Variants in LRRC4C observed in about 807,000 individuals in gnomAD.
LRRC4C encodes the protein leucine rich repeat containing 4C.
In LRRC4C, 5 loss-of-function variants were observed where a neutral mutation model predicts 33.6. That is an observed-to-expected ratio of 0.15 (90% CI 0.08 to 0.31). The LOEUF (loss-of-function observed/expected upper bound fraction) is 0.31, where lower values mean the gene tolerates loss of function less well. LRRC4C is among the 10% of genes least tolerant of loss of function. The probability of loss-of-function intolerance (pLI) is 1.00; values close to 1 mark genes in which losing one functional copy is unlikely to be tolerated. For missense variants in LRRC4C, 560 were observed against 796.7 expected, an observed-to-expected ratio of 0.70 and a Z score of 3.58; for synonymous variants, 329 against 302.0, an observed-to-expected ratio of 1.09 and a Z score of -0.93.
chr11:40,132,657 T>G (rs1355094920), intron 6 of LRRC4C, among the ~76,000 whole-genome samples: 2 of 152,036 alleles, frequency 1.3e-5, no homozygotes, highest in African/African-American at 4.8e-5. Flanking sequence ...ACTGTACTTA[T>G]GAATATTAGT....
At chr11:40,225,434 C>T (rs955049318) in intron 5 of LRRC4C, among the ~76,000 whole-genome samples, 5 of 152,134 alleles carry the variant, frequency 3.3e-5, no homozygotes, top group African/African-American at 1.2e-4. Flanking sequence ...CGGGCTTTTG[C>T]CACTTATATG....
chr11:40,869,906 T>A (rs1391279933), intron 2 of LRRC4C, among the ~76,000 whole-genome samples: 1 of 152,160 alleles, frequency 6.6e-6, no homozygotes. Flanking sequence ...CTTGCCTCTG[T>A]CTCCCCTTCT....
In LRRC4C at chr11:40,832,853, T is replaced by C. The variant is rs149567574; in HGVS notation, c.-407+100782A>G. ...TGGCACATTAAAAAAGTTATAATGC[T>C]ATGCCTATTAATATAAAATCATCCG... is the stretch of plus-strand genomic sequence containing the variant. On this transcript the variant is annotated intron_variant, in intron 2 of 6. Transcript: ENST00000528697. 4.2e-3 allele frequency among the ~76,000 whole-genome samples: 645 copies of C among 152,282 alleles called. 3 individuals are homozygous for C. Among genetic ancestry groups the C allele is most frequent in the African/African-American group, 0.014 (591 of 41,558 alleles).
intron 3 of LRRC4C, among the ~76,000 whole-genome samples, chr11:40,622,909 T>C (rs1962590197): frequency 6.6e-6 from 1 of 151,658 alleles, no homozygotes. Flanking sequence ...TAAATTTTCC[T>C]TGGGAAGATC....
At chr11:40,886,197 C>T (rs1359861596) in intron 2 of LRRC4C, among the ~76,000 whole-genome samples, 1 of 151,942 alleles carries the variant, frequency 6.6e-6, no homozygotes, top group Non-Finnish European at 1.5e-5. Flanking sequence ...ATTGATTTTA[C>T]TTGATTTGGA....
chr11:40,790,692 A>G (rs1950589190), intron 2 of LRRC4C, among the ~76,000 whole-genome samples: 1 of 152,202 alleles, frequency 6.6e-6, no homozygotes, highest in Non-Finnish European at 1.5e-5. Flanking sequence ...TCTTTCAGGG[A>G]CTAGATCCTA....
At position 40,440,324 on chromosome 11, in the gene LRRC4C, A is replaced by AT. The variant is rs748672892; in HGVS notation, c.-269-120604dup. Among the ~76,000 whole-genome samples, 53 of 119,138 alleles carry AT rather than the reference A, an allele frequency of 4.4e-4. 1 individual carries two copies. Among genetic ancestry groups the AT allele is most frequent in the Non-Finnish European group, 7.3e-4 (41 of 56,166 alleles). The allele number at this position is 119,138 out of a possible 152,430, so 78.2% of individuals were successfully genotyped here. On this transcript the variant is annotated intron_variant, in intron 3 of 6. Coordinates refer to ENST00000528697, the MANE Select transcript of LRRC4C (RefSeq NM_001258419.2). ...CTTTTTTTTTTTTTTTTTTTAATAC[A>AT]TTTTTTCCTCCAAAGCTCCAAACTG...
At chr11:40,911,255 G>A (rs939998898) in intron 2 of LRRC4C, among the ~76,000 whole-genome samples, 1 of 152,160 alleles carries the variant, frequency 6.6e-6, no homozygotes, top group Admixed American at 6.5e-5. Flanking sequence ...GTCCTCAAGA[G>A]GGTCCCTGAA....
chr11:40,965,041 T>C (rs968398980), intron 1 of LRRC4C, among the ~76,000 whole-genome samples: 3 of 152,152 alleles, frequency 2.0e-5, no homozygotes, highest in African/African-American at 7.2e-5. Flanking sequence ...TGTTGTTTCC[T>C]GACTTTTTAA....
intron 3 of LRRC4C, among the ~76,000 whole-genome samples, chr11:40,538,012 G>C (rs1028702573): frequency 6.6e-6 from 1 of 152,142 alleles, no homozygotes; most frequent in Non-Finnish European, 1.5e-5. Context: ...CCAGTGACTT[G>C]CAGCTTATTA....
chr11:40,709,105 T>G (rs1289374071), intron 2 of LRRC4C, among the ~76,000 whole-genome samples: 2 of 152,148 alleles, frequency 1.3e-5, no homozygotes, highest in Admixed American at 6.5e-5. Context: ...TGTCTCTGCA[T>G]GTGAAATGGG....
rs1247680925 is a variant in LRRC4C at position 40,116,077 on chromosome 11, A to G, written c.216T>C (p.Asp72=). ...GCAGCCGTGTGTTGGTGGAGATGCCATCCGGAACCTCACGCAGGTTTTTCC... is the reference window on the plus strand; with the variant it reads ...GCAGCCGTGTGTTGGTGGAGATGCCGTCCGGAACCTCACGCAGGTTTTTCC... ...CVRKNLREVP[D]GISTNTRLLN... Residue 72 remains aspartate, a synonymous_variant, in exon 7 of 7, where the codon GAT becomes GAC. Coordinates refer to ENST00000528697, the MANE Select transcript of LRRC4C (RefSeq NM_001258419.2). 2 of 1,614,066 alleles carry G rather than the reference A, an allele frequency of 1.2e-6. No homozygotes were observed. Among genetic ancestry groups the G allele is most frequent in the South Asian group, 1.1e-5 (1 of 91,078 alleles).
intron 1 of LRRC4C, among the ~76,000 whole-genome samples, chr11:40,965,818 G>T (rs1262332173): frequency 6.6e-6 from 1 of 152,024 alleles, no homozygotes; most frequent in African/African-American, 2.4e-5. Context: ...CTCCAACTTT[G>T]TTCTTTTGGC....
intron 3 of LRRC4C, among the ~76,000 whole-genome samples, chr11:40,431,350 G>A (rs7933761): frequency 0.037 from 5,213 of 142,676 alleles, 318 homozygotes; most frequent in African/African-American, 0.13. Context: ...AGCCAACATC[G>A]TGCCACTGCA....
chr11:41,254,001 T>C (rs1326570651), intron 1 of LRRC4C, among the ~76,000 whole-genome samples: 1 of 152,098 alleles, frequency 6.6e-6, no homozygotes, highest in African/African-American at 2.4e-5. Context: ...TAAGTGTCAA[T>C]TTACTGTTTG....
chr11:41,281,112 A>T (rs1274398016), intron 1 of LRRC4C, among the ~76,000 whole-genome samples: 8 of 130,844 alleles, frequency 6.1e-5, no homozygotes, highest in African/African-American at 2.0e-4. Flanking sequence ...TCTCACACAC[A>T]CACACACACA....
intron 6 of LRRC4C, among the ~76,000 whole-genome samples, chr11:40,131,546 CT>C (rs1423904353): frequency 6.6e-6 from 1 of 152,124 alleles, no homozygotes; most frequent in African/African-American, 2.4e-5. Flanking sequence ...AGATTTCTAG[CT>C]GCTTACACAA....
intron 3 of LRRC4C, among the ~76,000 whole-genome samples, chr11:40,628,981 A>G (rs935789450): frequency 1.3e-5 from 2 of 152,208 alleles, no homozygotes; most frequent in Non-Finnish European, 2.9e-5. Flanking sequence ...TTACTTGTTA[A>G]CTAAACAAAC....
At chr11:41,049,945 C>T (rs760668554) in intron 1 of LRRC4C, among the ~76,000 whole-genome samples, 29 of 152,142 alleles carry the variant, frequency 1.9e-4, no homozygotes, top group Non-Finnish European at 3.1e-4. Context: ...ATGAATAAAA[C>T]AGAATTTTCC....
Sources: gnomAD v4.1 joint callset for allele counts (sites outside exome capture counted in the v4.1 genomes callset) on GRCh38, gnomAD v4.1.1 for gene constraint, MANE v1.5 for transcripts, NCBI Gene and HGNC (gene_info 2026-07-23, HGNC 2026-07-21) for gene names.